SVEP1: variants seen among roughly 807,000 people sequenced by gnomAD.
The protein encoded by SVEP1 is sushi, von Willebrand factor type A, EGF and pentraxin domain-containing protein 1.
A neutral mutation model predicts 367.3 loss-of-function variants in SVEP1; 164 were observed. That is an observed-to-expected ratio of 0.45 (90% CI 0.39 to 0.51). The LOEUF (loss-of-function observed/expected upper bound fraction) is 0.51. SVEP1 is among the 20% of genes least tolerant of loss of function. The probability of loss-of-function intolerance (pLI) is 0.00; values close to 1 mark genes in which losing one functional copy is unlikely to be tolerated. For synonymous variants in SVEP1, 1,666 were observed against 1,611.6 expected (o/e 1.03, Z -0.81); for missense variants, 4,117 against 4,425.3 (o/e 0.93, Z 1.98).
chr9:110,461,198 C>G (rs1001826169), intron 18 of SVEP1, among the ~76,000 whole-genome samples: 4 of 152,138 alleles, frequency 2.6e-5, no homozygotes, highest in African/African-American at 9.7e-5. Context: ...GGGTTTTCCT[C>G]CATGATGTTT....
chr9:110,574,178 C>T lies in SVEP1; in HGVS notation c.531+4835G>A, dbSNP rs144951456. ...GTTGTTAAAGAAAATTTCTACATCT[C>T]GCGGTTTTTATACAAGAGGAATAAG... On this transcript the variant is annotated intron_variant, in intron 1 of 47. Transcript: ENST00000374469. Among the ~76,000 whole-genome samples, 191 of 152,320 alleles carry T rather than the reference C, an allele frequency of 1.3e-3. 2 individuals are homozygous for T. In the Middle Eastern group the frequency reaches 0.027, roughly 22 times the overall value.
At chr9:110,530,099 A>G (rs372594581) in intron 3 of SVEP1, among the ~76,000 whole-genome samples, 1 of 152,270 alleles carries the variant, frequency 6.6e-6, no homozygotes, top group South Asian at 2.1e-4. Flanking sequence ...CTTTTTCTCC[A>G]TCTATTGAGA....
At chr9:110,428,757 G>C (rs964280341) in intron 35 of SVEP1, among the ~76,000 whole-genome samples, 1 of 138,646 alleles carries the variant, frequency 7.2e-6, no homozygotes, top group African/African-American at 2.5e-5. Context: ...GAGTCAGCCA[G>C]TCACGTACAA....
At chr9:110,435,935 A>G (rs1012814474) in intron 28 of SVEP1, among the ~76,000 whole-genome samples, 1 of 152,130 alleles carries the variant, frequency 6.6e-6, no homozygotes, top group Admixed American at 6.5e-5. Flanking sequence ...AGTTTGGGGT[A>G]AGACTGGGAT....
chr9:110,378,769 G>T, intron 44 of SVEP1, among the ~76,000 whole-genome samples: 1 of 125,958 alleles, frequency 7.9e-6, no homozygotes. Flanking sequence ...TGTGGGGTGG[G>T]GGGAGGGCGG....
Position 110,379,656 on chromosome 9 carries a change from G to A in SVEP1, c.10238-139C>T, listed in dbSNP as rs1191238267. 4.6e-6 allele frequency: 4 copies of A among 862,750 alleles called. 1 individual carries two copies. In the South Asian group the frequency reaches 7.5e-5, roughly 16 times the overall value. 53.4% of individuals were successfully genotyped at this position (862,750 alleles called of 1,614,324 possible). ...TTCACCTACTTATCTAGAATAGTAA[G>A]AACTAAAAGAATTAACTGCTGCTGT... On this transcript the variant is annotated intron_variant, in intron 43 of 47. Transcript: ENST00000374469.
At chr9:110,503,373 T>C (rs1244832691) in intron 5 of SVEP1, among the ~76,000 whole-genome samples, 156 bp from the exon 6 acceptor site, 4 of 152,230 alleles carry the variant, frequency 2.6e-5, no homozygotes, top group African/African-American at 7.2e-5. Context: ...TGAGTTCTTA[T>C]GGGACAATTG....
chr9:110,531,760 C>T (rs898563689), intron 3 of SVEP1, among the ~76,000 whole-genome samples: 1 of 152,118 alleles, frequency 6.6e-6, no homozygotes, highest in Non-Finnish European at 1.5e-5. Flanking sequence ...ATCCACAGTA[C>T]CCTGAATGCT....
In SVEP1 at chr9:110,404,303, ATTCTAAT is replaced by A. The variant is rs769208266; in HGVS notation, c.9666+17_9666+23del. ...ATATATGTATATGTAGGCATTACAC[ATTCTAAT>A]TAAGACAGAATCTTACCTGACATAC... On this transcript the variant is annotated intron_variant, in intron 39 of 47. Coordinates refer to ENST00000374469, the MANE Select transcript of SVEP1 (RefSeq NM_153366.4). 6.2e-7 allele frequency: 1 copy of A among 1,608,898 alleles called. No individual in the cohort carries two copies. Among genetic ancestry groups the A allele is most frequent in the South Asian group, 1.1e-5 (1 of 90,946 alleles).
intron 3 of SVEP1, among the ~76,000 whole-genome samples, chr9:110,543,935 T>G (rs80008410): frequency 6.6e-6 from 1 of 151,996 alleles, no homozygotes; most frequent in East Asian, 1.9e-4. Flanking sequence ...ACCCCCCACC[T>G]TTTTTCTGCT....
At position 110,479,766 on chromosome 9, in the gene SVEP1, G is replaced by A. The variant is rs767152953; in HGVS notation, c.2366-10C>T. The A allele has an allele frequency of 5.0e-6, 8 of 1,596,134 alleles. No homozygotes were observed. The highest frequency in any genetic ancestry group is 6.8e-6 in the Non-Finnish European group (8 of 1,174,544). On this transcript the variant is annotated splice_polypyrimidine_tract_variant and intron_variant, in intron 12 of 47. Coordinates refer to ENST00000374469, the MANE Select transcript of SVEP1 (RefSeq NM_153366.4). The stretch of plus-strand genomic sequence containing the variant: ...TTTGCAAAACGTTTTTCTAGAAAAT[G>A]TTGGACAAAACAGCTTCAGTTGGTT...
At chr9:110,496,964 TA>T (rs749001787) in intron 7 of SVEP1, 31 bp from the exon 8 acceptor site, 2 of 1,365,392 alleles carry the variant, frequency 1.5e-6, no homozygotes, top group South Asian at 2.6e-5. Context: ...AGTAGATTAA[TA>T]CACTGATATG....
intron 21 of SVEP1, among the ~76,000 whole-genome samples, chr9:110,456,221 C>A (rs1362798580): frequency 6.6e-6 from 1 of 152,130 alleles, no homozygotes; most frequent in African/African-American, 2.4e-5. Flanking sequence ...CCTGGGAATG[C>A]AATAAAAATA....
rs1020338146 is a variant in SVEP1 at position 110,579,328 on chromosome 9, C to G, written c.216G>C (p.Val72=). Residue 72 remains valine, a synonymous_variant, in exon 1 of 48, where the codon GTG becomes GTC. Transcript: ENST00000374469. The surrounding 1 kb of genome is among the most constrained non-coding windows in gnomAD (Gnocchi z 5.3). The stretch of plus-strand genomic sequence containing the variant: ...GCTCGCTGAGCTCCCGCAGCAGCCG[C>G]ACGCGTCGCCGGAACGCCTGGCCCA... ...ERLGQAFRRR[V]RLLRELSERL... is the part of the protein sequence containing the mutation. The G allele has an allele frequency of 3.9e-6, 6 of 1,558,182 alleles. No homozygotes were observed. In the East Asian group the frequency reaches 7.2e-5, roughly 19 times the overall value.
At chr9:110,559,903 A>T (rs1054677643) in intron 1 of SVEP1, among the ~76,000 whole-genome samples, 2 of 152,082 alleles carry the variant, frequency 1.3e-5, no homozygotes, top group Non-Finnish European at 2.9e-5. Flanking sequence ...TAAATTTAAG[A>T]AGTAGGCAAC....
chr9:110,526,061 T>G (rs1291951452), intron 3 of SVEP1, among the ~76,000 whole-genome samples: 2 of 152,094 alleles, frequency 1.3e-5, no homozygotes, highest in Non-Finnish European at 2.9e-5. Context: ...GATTTAAGTA[T>G]AAAATATAAA....
intron 27 of SVEP1, among the ~76,000 whole-genome samples, chr9:110,437,517 T>C (rs1448032102): frequency 6.6e-6 from 1 of 152,254 alleles, no homozygotes; most frequent in Non-Finnish European, 1.5e-5. Flanking sequence ...GCTTGATTTC[T>C]ATCAGAGCAT....
intron 47 of SVEP1, among the ~76,000 whole-genome samples, chr9:110,367,513 A>AACTT (rs1827217552): frequency 1.3e-5 from 2 of 152,126 alleles, no homozygotes; most frequent in African/African-American, 4.8e-5. Context: ...GAGAAGGAAA[A>AACTT]ACTTATACGG....
intron 45 of SVEP1, among the ~76,000 whole-genome samples, chr9:110,376,612 A>T (rs1296788023): frequency 6.6e-6 from 1 of 151,990 alleles, no homozygotes; most frequent in Non-Finnish European, 1.5e-5. Flanking sequence ...CACATGAATC[A>T]CTCTTAATGG....
Sources: gnomAD v4.1 joint callset for allele counts (sites outside exome capture counted in the v4.1 genomes callset) on GRCh38, gnomAD v4.1.1 for gene constraint, Gnocchi (gnomAD v3.1) non-coding constraint, MANE v1.5 for transcripts, NCBI Gene and HGNC (gene_info 2026-07-23, HGNC 2026-07-21) for gene names.